RBFOX1: variants seen among roughly 807,000 people sequenced by gnomAD.
RBFOX1 encodes the protein RNA binding fox-1 homolog 1.
In RBFOX1, 8 loss-of-function variants were observed where a neutral mutation model predicts 57.7. The observed-to-expected ratio is 0.14, with a 90% CI of 0.08 to 0.25. The LOEUF is 0.25. Ranked by LOEUF, RBFOX1 falls within the 10% of genes least tolerant of loss-of-function variation. The pLI, the probability that RBFOX1 is intolerant of heterozygous loss-of-function variation, is 1.00. For missense variants in RBFOX1, 611 were observed against 548.5 expected (o/e 1.11, Z -1.14); for synonymous variants, 326 against 222.4 (o/e 1.47, Z -4.15).
intron 2 of RBFOX1, among the ~76,000 whole-genome samples, chr16:6,489,233 TAAC>T (rs1330173540): frequency 6.6e-6 from 1 of 152,222 alleles, no homozygotes; most frequent in Non-Finnish European, 1.5e-5. Flanking sequence ...AGAGCAATTC[TAAC>T]AACCTTCCCA....
intron 3 of RBFOX1, among the ~76,000 whole-genome samples, chr16:6,735,265 C>G (rs947074103): frequency 6.6e-6 from 1 of 152,166 alleles, no homozygotes; most frequent in East Asian, 1.9e-4. Context: ...GTTAAGTACA[C>G]TTGCCTCCTA....
At chr16:7,387,819 G>T (rs543262270) in intron 4 of RBFOX1, among the ~76,000 whole-genome samples, 1 of 151,986 alleles carries the variant, frequency 6.6e-6, no homozygotes, top group Non-Finnish European at 1.5e-5. Context: ...GTAGGGCTTC[G>T]CCATCAGTTT....
At chr16:6,893,713 G>A (rs983218700) in intron 3 of RBFOX1, among the ~76,000 whole-genome samples, 3 of 152,200 alleles carry the variant, frequency 2.0e-5, no homozygotes, top group African/African-American at 7.2e-5. Context: ...TCTTTTCAGT[G>A]TAATTTGTGA....
chr16:7,443,967 A>G (rs113646267), intron 4 of RBFOX1, among the ~76,000 whole-genome samples: 1 of 152,182 alleles, frequency 6.6e-6, no homozygotes, highest in Non-Finnish European at 1.5e-5. Flanking sequence ...AAAGCTGTAC[A>G]TATTTATCTT....
chr16:7,121,409 A>G (rs1337208405), intron 4 of RBFOX1, among the ~76,000 whole-genome samples: 2 of 152,170 alleles, frequency 1.3e-5, no homozygotes, highest in Non-Finnish European at 2.9e-5. Flanking sequence ...AATATCAATC[A>G]TATATCTATA....
intron 1 of RBFOX1, among the ~76,000 whole-genome samples, chr16:5,250,715 C>T (rs2062429729): frequency 6.6e-6 from 1 of 152,184 alleles, no homozygotes; most frequent in Non-Finnish European, 1.5e-5. Context: ...ATACCACCTT[C>T]TTCTCCCAGC....
intron 2 of RBFOX1, among the ~76,000 whole-genome samples, chr16:6,361,891 C>T (rs2088613537): frequency 2.0e-5 from 3 of 151,986 alleles, no homozygotes; most frequent in Admixed American, 2.0e-4. Context: ...TTTATTGATC[C>T]AGCCGTTTTT....
chr16:6,004,264 C>T (rs967028505), intron 4 of RBFOX1, among the ~76,000 whole-genome samples: 4 of 152,162 alleles, frequency 2.6e-5, no homozygotes, highest in East Asian at 1.9e-4. Context: ...GCTTTGCCTG[C>T]AGGCTCTGCT....
At chr16:5,960,464 G>T (rs2059725737) in intron 4 of RBFOX1, among the ~76,000 whole-genome samples, 1 of 152,120 alleles carries the variant, frequency 6.6e-6, no homozygotes, top group African/African-American at 2.4e-5. Context: ...CGTGAAAACA[G>T]CAAATATGGA....
intron 2 of RBFOX1, among the ~76,000 whole-genome samples, chr16:6,372,710 G>A (rs181490522): frequency 2.0e-5 from 3 of 152,092 alleles, no homozygotes; most frequent in South Asian, 4.2e-4. Flanking sequence ...GAGGATAGTT[G>A]GGTGGAATGG....
chr16:6,823,599 T>G (rs1030321590), intron 3 of RBFOX1, among the ~76,000 whole-genome samples: 135 of 152,268 alleles, frequency 8.9e-4, no homozygotes, highest in African/African-American at 3.1e-3. Flanking sequence ...TCTTCTTCCT[T>G]CCTTGAATAT....
intron 2 of RBFOX1, among the ~76,000 whole-genome samples, chr16:6,591,537 C>A (rs1015331816): frequency 6.6e-6 from 1 of 152,128 alleles, no homozygotes; most frequent in Non-Finnish European, 1.5e-5. Flanking sequence ...CGACCCCTGC[C>A]TGAGTTCCTG....
rs74538816 is a variant in RBFOX1 at position 6,525,856 on chromosome 16, A to C, written c.-63-128747A>C. 6.7e-4 allele frequency among the ~76,000 whole-genome samples: 102 copies of C among 152,246 alleles called. 4 individuals are homozygous for C. The East Asian group carries it at 0.019, about 29-fold the overall frequency. On this transcript the variant is annotated intron_variant, in intron 2 of 15. Transcript: ENST00000550418. ...AAAGGCAATTCACAACTAAGTTTGA[A>C]CACATGAATTTTGAAGTAGACACAA...
At chr16:6,028,674 C>G (rs1040433481) in intron 1 of RBFOX1, among the ~76,000 whole-genome samples, 2 of 151,942 alleles carry the variant, frequency 1.3e-5, no homozygotes, top group Non-Finnish European at 2.9e-5. Flanking sequence ...GAGCAAGACC[C>G]TATCTGTAAA....
intron 2 of RBFOX1, among the ~76,000 whole-genome samples, chr16:6,466,149 A>C (rs1010734911): frequency 1.3e-5 from 2 of 151,786 alleles, no homozygotes; most frequent in Non-Finnish European, 2.9e-5. Flanking sequence ...GAATCGCTTG[A>C]ACCCGGGAGG....
At chr16:6,431,711 G>A (rs905138701) in intron 2 of RBFOX1, among the ~76,000 whole-genome samples, 2 of 152,032 alleles carry the variant, frequency 1.3e-5, no homozygotes, top group Admixed American at 1.3e-4. Flanking sequence ...ACAGGATTTT[G>A]AACTTCCAAT....
At chr16:7,299,190 G>C (rs551681462) in intron 4 of RBFOX1, among the ~76,000 whole-genome samples, 13 of 152,166 alleles carry the variant, frequency 8.5e-5, no homozygotes, top group Non-Finnish European at 1.6e-4. Context: ...TTTCTCCACA[G>C]TGATGTCAAA....
At chr16:5,757,992 C>A (rs1347410520) in intron 3 of RBFOX1, among the ~76,000 whole-genome samples, 1 of 152,198 alleles carries the variant, frequency 6.6e-6, no homozygotes, top group Non-Finnish European at 1.5e-5. Flanking sequence ...TCACCTCTGC[C>A]TGTGGCACTG....
At chr16:6,680,035 T>G (rs1428338327) in intron 3 of RBFOX1, among the ~76,000 whole-genome samples, 3 of 152,016 alleles carry the variant, frequency 2.0e-5, no homozygotes, top group Admixed American at 6.6e-5. Flanking sequence ...TTCAACCCAG[T>G]TCTGCTGTTT....
Sources: allele counts gnomAD v4.1 joint callset (sites outside exome capture counted in the v4.1 genomes callset), GRCh38; gene constraint gnomAD v4.1.1; transcripts MANE v1.5; gene names NCBI Gene and HGNC (gene_info 2026-07-23, HGNC 2026-07-21).